Variants in TRAP1 observed in about 807,000 individuals in gnomAD.
TRAP1 encodes TNF receptor associated protein 1, also known as heat shock protein 75 kDa, mitochondrial.
TRAP1 carries 102 observed loss-of-function variants against 89.1 expected under a neutral mutation model. That is an observed-to-expected ratio of 1.15 (90% CI 0.98 to 1.35). TRAP1 has a LOEUF of 1.35. Ranked by LOEUF, TRAP1 falls within the 40% of genes most tolerant of loss-of-function variation. TRAP1 has a pLI of 0.00. For missense variants in TRAP1, 1,256 were observed against 945.3 expected, an observed-to-expected ratio of 1.33 and a Z score of -4.31; for synonymous variants, 508 against 388.0, an observed-to-expected ratio of 1.31 and a Z score of -3.64.
At chr16:3,703,485 G>C (rs1405442911) in intron 1 of TRAP1, among the ~76,000 whole-genome samples, 1 of 151,880 alleles carries the variant, frequency 6.6e-6, no homozygotes, top group African/African-American at 2.4e-5. Context: ...CACTACCATG[G>C]TGTTCAAATG....
At chr16:3,661,670 C>G (rs138142122) in intron 16 of TRAP1, 1 of 304,670 alleles carries the variant, frequency 3.3e-6, no homozygotes, top group African/African-American at 2.1e-5. Flanking sequence ...CACCAAGATC[C>G]ACGTACAAAG....
chr16:3,702,965 C>T (rs1019458031), intron 1 of TRAP1, among the ~76,000 whole-genome samples: 3 of 148,488 alleles, frequency 2.0e-5, no homozygotes, highest in Non-Finnish European at 4.4e-5. Flanking sequence ...TCGCTTGAAC[C>T]CAGGAGGTGG....
intron 2 of TRAP1, among the ~76,000 whole-genome samples, chr16:3,689,369 C>G (rs1239534715): frequency 6.6e-6 from 1 of 151,978 alleles, no homozygotes; most frequent in African/African-American, 2.4e-5. Context: ...CTCAGCCTCC[C>G]GAGTAGCTGG....
intron 1 of TRAP1, among the ~76,000 whole-genome samples, chr16:3,716,833 C>T (rs1023143340): frequency 1.3e-5 from 2 of 152,218 alleles, no homozygotes; most frequent in Non-Finnish European, 2.9e-5. Context: ...GCGTCAACGA[C>T]ATCGAGTCCA....
intron 3 of TRAP1, 62 bp downstream of exon 3, chr16:3,688,993 T>A: frequency 6.6e-7 from 1 of 1,505,790 alleles, no homozygotes; most frequent in Non-Finnish European, 9.1e-7. Flanking sequence ...CAGAATGGCA[T>A]AAAAACCAGC....
At chr16:3,677,762 A>T (rs533759102) in intron 5 of TRAP1, 104 bp from the exon 6 acceptor site, 2 of 1,346,642 alleles carry the variant, frequency 1.5e-6, no homozygotes, top group African/African-American at 2.9e-5. Flanking sequence ...CTTCATCCTG[A>T]AAACAGCCAC....
chr16:3,669,757 C>T (rs867912161), intron 11 of TRAP1, among the ~76,000 whole-genome samples: 12 of 142,454 alleles, frequency 8.4e-5, no homozygotes, highest in East Asian at 2.2e-4. Flanking sequence ...GGCATGAACC[C>T]GGGAGGCGGA....
chr16:3,671,888 C>CAA, intron 10 of TRAP1, 97 bp from the exon 11 acceptor site: 1 of 1,287,194 alleles, frequency 7.8e-7, no homozygotes, highest in Non-Finnish European at 1.1e-6. Context: ...GCCTGGCCTT[C>CAA]AACCCAGCAC....
intron 14 of TRAP1, 65 bp from the exon 15 acceptor site, chr16:3,663,032 C>T (rs2151241040): frequency 7.6e-7 from 1 of 1,311,460 alleles, no homozygotes; most frequent in Non-Finnish European, 1.1e-6. Context: ...CCATGGGGGC[C>T]ACGCAGCATG....
intron 5 of TRAP1, 121 bp from the exon 6 acceptor site, chr16:3,677,779 T>A: frequency 8.4e-7 from 1 of 1,195,990 alleles, no homozygotes; most frequent in Non-Finnish European, 1.1e-6. Context: ...CCACACCGAG[T>A]ACTTTTCCAC....
At chr16:3,687,834 C>A (rs1279690897) in intron 3 of TRAP1, among the ~76,000 whole-genome samples, 3 of 145,856 alleles carry the variant, frequency 2.1e-5, no homozygotes, top group East Asian at 4.0e-4. Context: ...GGCGTCAGAC[C>A]CAGACCCTGT....
intron 13 of TRAP1, 79 bp from the exon 14 acceptor site, chr16:3,663,641 G>C (rs376961996): frequency 1.9e-6 from 3 of 1,582,176 alleles, no homozygotes; most frequent in Non-Finnish European, 2.6e-6. Context: ...GGCGGCAGGA[G>C]GGCTGGGGGA....
chr16:3,663,306 G>A (rs1023203576), intron 14 of TRAP1, 118 bp downstream of exon 14: 18 of 1,372,730 alleles, frequency 1.3e-5, no homozygotes, highest in Middle Eastern at 2.2e-4. Flanking sequence ...GGCTCTTCTC[G>A]GGGGTGGCTG....
chr16:3,672,939 C>T (rs754013294), intron 9 of TRAP1, 119 bp from the exon 10 acceptor site: 41 of 1,406,368 alleles, frequency 2.9e-5, no homozygotes, highest in Non-Finnish European at 3.2e-5. Flanking sequence ...CCTCCCCCAG[C>T]GTCTGCTCTG....
At chr16:3,689,906 G>A (rs1207524728) in intron 2 of TRAP1, 1 of 152,262 alleles carries the variant, frequency 6.6e-6, no homozygotes, top group Non-Finnish European at 1.5e-5. Context: ...TCCCACTGCT[G>A]AGGCCAGACA....
chr16:3,672,666 C>CGG, intron 10 of TRAP1, 34 bp downstream of exon 10: 1 of 1,589,542 alleles, frequency 6.3e-7, no homozygotes, highest in Non-Finnish European at 8.6e-7. Flanking sequence ...CACTGGGCCA[C>CGG]GGGGGCACTG....
chr16:3,709,498 C>T (rs528531610), intron 1 of TRAP1, among the ~76,000 whole-genome samples: 5 of 152,260 alleles, frequency 3.3e-5, no homozygotes, highest in Admixed American at 6.5e-5. Flanking sequence ...CCTAAATGTC[C>T]GCCATGAGAG....
Position 3,711,640 on chromosome 16 carries a change from A to C in TRAP1, c.88+5781T>G, listed in dbSNP as rs564739705. Among the ~76,000 whole-genome samples the C allele has an allele frequency of 4.6e-5, 7 of 152,214 alleles. No individual in the cohort carries two copies. In the East Asian group the frequency reaches 1.3e-3, roughly 29 times the overall value. ...AAACAAAAACCAAAACAAAAACAAA[A>C]AAAACACAGGTGGCAGTAATACTCC... On this transcript the variant is annotated intron_variant, in intron 1 of 17. Transcript: ENST00000246957.
At chr16:3,676,397 C>T (rs112767508) in intron 6 of TRAP1, 15 of 267,886 alleles carry the variant, frequency 5.6e-5, no homozygotes, top group African/African-American at 9.0e-5. Flanking sequence ...GGTCCTCCAC[C>T]GACCCTGGGC....
Sources: allele counts gnomAD v4.1 joint callset (sites outside exome capture counted in the v4.1 genomes callset), GRCh38; gene constraint gnomAD v4.1.1; transcripts MANE v1.5; gene names NCBI Gene and HGNC (gene_info 2026-07-23, HGNC 2026-07-21).